The following NTRK3 variants were observed in gnomAD, a reference collection of about 807,000 sequenced individuals.
The protein encoded by NTRK3 is neurotrophic receptor tyrosine kinase 3.
A neutral mutation model predicts 91.7 loss-of-function variants in NTRK3; 24 were observed. The ratio of observed to expected loss-of-function variants is 0.26; its 90% confidence interval spans 0.19 to 0.37. The LOEUF (loss-of-function observed/expected upper bound fraction) is 0.37. Ranked by LOEUF, NTRK3 falls within the 10% of genes least tolerant of loss-of-function variation. The probability of loss-of-function intolerance (pLI) is 1.00; values close to 1 mark genes in which losing one functional copy is unlikely to be tolerated. For missense variants in NTRK3, 880 were observed against 1,068.9 expected, an observed-to-expected ratio of 0.82 and a Z score of 2.46; for synonymous variants, 483 against 404.0, an observed-to-expected ratio of 1.20 and a Z score of -2.34.
chr15:88,147,473 T>A (rs2151315324), intron 5 of NTRK3, 70 bp from the exon 6 acceptor site: 4 of 1,290,704 alleles, frequency 3.1e-6, no homozygotes, highest in Non-Finnish European at 3.4e-6. Flanking sequence ...GGTAGTAAGC[T>A]TAATCATTTC....
chr15:88,144,652 T>C (rs771174492), intron 6 of NTRK3, among the ~76,000 whole-genome samples: 15 of 152,088 alleles, frequency 9.9e-5, no homozygotes, highest in Admixed American at 6.5e-5. Flanking sequence ...AGCCATGTGA[T>C]CTTGAACTAC....
At chr15:87,876,907 A>G (rs770456043) in exon 19 of NTRK3, 37 of 1,612,524 alleles carry the variant, frequency 2.3e-5, no homozygotes, top group Non-Finnish European at 2.7e-5. Context: ...GAGGCAACAG[A>G]GTATGAATTC....
chr15:87,890,688 T>C (rs989655739), intron 17 of NTRK3, among the ~76,000 whole-genome samples: 1 of 152,204 alleles, frequency 6.6e-6, no homozygotes, highest in Non-Finnish European at 1.5e-5. Context: ...TGAAATCCTA[T>C]GCCTGTGTCT....
intron 14 of NTRK3, among the ~76,000 whole-genome samples, chr15:87,972,362 A>G (rs552642028): frequency 6.6e-6 from 1 of 152,324 alleles, no homozygotes; most frequent in East Asian, 1.9e-4. Context: ...CTGTCCCTCA[A>G]ACTTGGAAGA....
At chr15:88,081,342 G>A (rs1225121590) in intron 13 of NTRK3, among the ~76,000 whole-genome samples, 1 of 152,110 alleles carries the variant, frequency 6.6e-6, no homozygotes, top group Non-Finnish European at 1.5e-5. Context: ...CACCCCAAGT[G>A]CGCCCCTGCC....
At chr15:87,967,057 G>A (rs1198277828) in intron 14 of NTRK3, among the ~76,000 whole-genome samples, 1 of 152,198 alleles carries the variant, frequency 6.6e-6, no homozygotes, top group African/African-American at 2.4e-5. Context: ...AGCTCTTGAT[G>A]ACAGGAAATA....
At chr15:87,982,189 C>G (rs1027612111) in intron 14 of NTRK3, among the ~76,000 whole-genome samples, 4 of 152,156 alleles carry the variant, frequency 2.6e-5, no homozygotes, top group Non-Finnish European at 4.4e-5. Context: ...GGAACTCTTT[C>G]CCAGGTGGAG....
chr15:88,135,544 C>A (rs1216368881), intron 9 of NTRK3, 147 bp from the exon 10 acceptor site: 5 of 958,138 alleles, frequency 5.2e-6, no homozygotes, highest in Non-Finnish European at 7.9e-6. Flanking sequence ...ACAATCCCAG[C>A]AGAGGGGAAG....
At chr15:88,100,046 T>C (rs1478239563) in intron 13 of NTRK3, among the ~76,000 whole-genome samples, 1 of 152,162 alleles carries the variant, frequency 6.6e-6, no homozygotes, top group Non-Finnish European at 1.5e-5. Context: ...GCTTGTTTAA[T>C]TAAGCTTGAA....
At chr15:87,971,232 TC>T (rs2073230888) in intron 14 of NTRK3, among the ~76,000 whole-genome samples, 1 of 152,178 alleles carries the variant, frequency 6.6e-6, no homozygotes, top group Non-Finnish European at 1.5e-5. Context: ...ACTCAAGTTC[TC>T]CCTGGCCAGC....
chr15:88,113,035 G>A (rs2051597684), intron 13 of NTRK3, among the ~76,000 whole-genome samples: 1 of 152,140 alleles, frequency 6.6e-6, no homozygotes, highest in African/African-American at 2.4e-5. Flanking sequence ...CCAAAGACCA[G>A]AAAGTAACAG....
chr15:88,225,908 T>C (rs1297251814), intron 3 of NTRK3, among the ~76,000 whole-genome samples: 1 of 152,110 alleles, frequency 6.6e-6, no homozygotes, highest in Admixed American at 6.5e-5. Flanking sequence ...TACCTAGACA[T>C]GCACAGCCTG....
At chr15:88,180,681 TAAA>T (rs3045935) in intron 5 of NTRK3, among the ~76,000 whole-genome samples, 41 of 107,778 alleles carry the variant, frequency 3.8e-4, no homozygotes, top group African/African-American at 1.2e-3. Flanking sequence ...GCCATTACCC[TAAA>T]AAAAAAAAAA....
chr15:87,979,220 G>A, intron 14 of NTRK3: 1 of 795,982 alleles, frequency 1.3e-6, no homozygotes, highest in Non-Finnish European at 2.3e-6. Flanking sequence ...CCGGGGCACT[G>A]GTGGCTCATG....
chr15:88,050,366 T>C (rs4887351), intron 13 of NTRK3, among the ~76,000 whole-genome samples: 36,054 of 152,136 alleles, frequency 0.24, 4,362 homozygotes, highest in Middle Eastern at 0.36. Flanking sequence ...TGGGCCTAGG[T>C]ACCATTCCCA....
At chr15:87,873,638 A>C (rs2064880811) in exon 19 of NTRK3, 1 of 232,036 alleles carries the variant, frequency 4.3e-6, no homozygotes, top group African/African-American at 2.2e-5. Context: ...GGGTGAAATG[A>C]ACTGGAGTGG....
intron 5 of NTRK3, among the ~76,000 whole-genome samples, chr15:88,166,001 A>G (rs1179918265): frequency 6.6e-6 from 1 of 152,216 alleles, no homozygotes; most frequent in African/African-American, 2.4e-5. Context: ...ACCCACCCAC[A>G]TCATAACTCA....
chr15:88,084,253 C>T (rs1046237456), intron 13 of NTRK3, among the ~76,000 whole-genome samples: 1 of 152,082 alleles, frequency 6.6e-6, no homozygotes, highest in Non-Finnish European at 1.5e-5. Flanking sequence ...CCCACTGCCC[C>T]CTCACTCCCC....
intron 3 of NTRK3, among the ~76,000 whole-genome samples, chr15:88,202,130 G>A (rs948016113): frequency 3.3e-5 from 5 of 152,098 alleles, no homozygotes; most frequent in Non-Finnish European, 7.4e-5. Context: ...GCTGACTACT[G>A]CTGGCCAAAA....
Sources: allele counts gnomAD v4.1 joint callset (sites outside exome capture counted in the v4.1 genomes callset), GRCh38; gene constraint gnomAD v4.1.1; transcripts MANE v1.5; gene names NCBI Gene and HGNC (gene_info 2026-07-23, HGNC 2026-07-21).